SMUG1: variants seen among roughly 807,000 people sequenced by gnomAD.
The protein encoded by SMUG1 is single-strand selective monofunctional uracil DNA glycosylase.
Under a neutral mutation model 23.9 loss-of-function variants are expected in SMUG1, and 13 were observed. The ratio of observed to expected loss-of-function variants is 0.54; its 90% CI spans 0.35 to 0.86. SMUG1 has a LOEUF of 0.86. Among genes scored for constraint, SMUG1 ranks in the 40% least tolerant of loss-of-function variants. The probability of loss-of-function intolerance (pLI) is 0.01; values close to 1 mark genes in which losing one functional copy is unlikely to be tolerated. For missense variants in SMUG1, 313 were observed against 339.5 expected (o/e 0.92, Z 0.61); for synonymous variants, 133 against 139.8 (o/e 0.95, Z 0.34).
At chr12:54,171,725 T>C (rs1565802800) in intron 3 of SMUG1, among the ~76,000 whole-genome samples, 1 of 149,820 alleles carries the variant, frequency 6.7e-6, no homozygotes, top group Non-Finnish European at 1.5e-5. Context: ...GACTTGTGTA[T>C]TGATTTACCT....
intron 4 of SMUG1, among the ~76,000 whole-genome samples, chr12:54,158,842 G>T (rs1592325507): frequency 6.6e-6 from 1 of 152,134 alleles, no homozygotes; most frequent in East Asian, 1.9e-4. Context: ...CTTATAAAAA[G>T]CTTTCCAAAC....
Position 54,182,213 on chromosome 12 carries a change from G to C in SMUG1, c.696C>G (p.Val232=). The C allele has an allele frequency of 6.2e-7, 1 of 1,612,132 alleles. No individual in the cohort carries two copies. Among genetic ancestry groups the C allele is most frequent in the Non-Finnish European group, 8.5e-7 (1 of 1,178,696 alleles). ...AGGGATGCAGGAGCCCTTCCACCTG[G>C]ACCTCTGGCATCAGGCCTGCCAGAG... ...RRALAGLMPE[V]QVEGLLHPSP... Residue 232 remains valine (V), a synonymous_variant, in exon 4 of 4, where the codon GTC becomes GTG. Coordinates refer to ENST00000682136, the MANE Select transcript of SMUG1 (RefSeq NM_001243787.2).
At chr12:54,178,101 G>A (rs1940798792), downstream of SMUG1, among the ~76,000 whole-genome samples, 1 of 152,190 alleles carries the variant, frequency 6.6e-6, no homozygotes, top group African/African-American at 2.4e-5. Context: ...CAGCAAGAAG[G>A]CAGCTATCTG....
At chr12:54,166,403 GGAA>G (rs1026993333) in intron 3 of SMUG1, among the ~76,000 whole-genome samples, 4 of 152,170 alleles carry the variant, frequency 2.6e-5, no homozygotes, top group Admixed American at 6.5e-5. Context: ...ATAGGACACA[GGAA>G]GAAGAACGGC....
downstream of SMUG1, among the ~76,000 whole-genome samples, chr12:54,160,931 C>G (rs749805184): frequency 3.3e-5 from 5 of 152,224 alleles, no homozygotes; most frequent in African/African-American, 4.8e-5. Flanking sequence ...CAAACACAAA[C>G]AGTAACACAC....
Position 54,182,411 on chromosome 12 carries a change from A to G in SMUG1, c.498T>C (p.Pro166=). 4 of 1,614,218 alleles carry G rather than the reference A, an allele frequency of 2.5e-6. No individual in the cohort carries two copies. The highest frequency in any genetic ancestry group is 3.4e-6 in the Non-Finnish European group (4 of 1,180,050). Residue 166 remains proline (P), a synonymous_variant, in exon 4 of 4, where the codon CCT becomes CCC. Coordinates refer to ENST00000682136, the MANE Select transcript of SMUG1 (RefSeq NM_001243787.2). ...GCCCGCTGGGAGCCAGGAAAAGCAG[A>G]GGGCATAGATTGTGGACAAAACAGT... ...FHHCFVHNLC[P]LLFLAPSGRN...
intron 4 of SMUG1, among the ~76,000 whole-genome samples, chr12:54,159,582 G>A (rs1157911411): frequency 6.6e-6 from 1 of 152,138 alleles, no homozygotes; most frequent in East Asian, 1.9e-4. Context: ...ATGTGTAAGG[G>A]CCCCTCATAT....
chr12:54,176,507 T>TCCCGCCC (rs1555199084), downstream of SMUG1, among the ~76,000 whole-genome samples: 1 of 64,396 alleles, frequency 1.6e-5, no homozygotes, highest in Non-Finnish European at 3.0e-5. Flanking sequence ...GAAGATCCTG[T>TCCCGCCC]CCCCCCCCAA....
At chr12:54,174,093 C>T (rs1036586032) in intron 2 of SMUG1, among the ~76,000 whole-genome samples, 1 of 152,172 alleles carries the variant, frequency 6.6e-6, no homozygotes, top group African/African-American at 2.4e-5. Flanking sequence ...ACTTGCAAAG[C>T]AGCGCTACCA....
At chr12:54,159,406 G>T (rs184266783) in intron 4 of SMUG1, among the ~76,000 whole-genome samples, 1 of 152,238 alleles carries the variant, frequency 6.6e-6, no homozygotes, top group Non-Finnish European at 1.5e-5. Flanking sequence ...TGCAGCAGGA[G>T]AGTCAGGGCT....
intron 3 of SMUG1, chr12:54,183,349 C>G: frequency 1.9e-6 from 1 of 525,070 alleles, no homozygotes; most frequent in Non-Finnish European, 3.4e-6. Flanking sequence ...ACCCCAACCA[C>G]ACTTCAGGGA....
intron 4 of SMUG1, among the ~76,000 whole-genome samples, chr12:54,159,585 C>T (rs1454596300): frequency 6.6e-6 from 1 of 152,134 alleles, no homozygotes; most frequent in African/African-American, 2.4e-5. Context: ...TGTAAGGGCC[C>T]CTCATATTCA....
chr12:54,168,013 G>A (rs896528233), intron 3 of SMUG1, among the ~76,000 whole-genome samples: 4 of 152,174 alleles, frequency 2.6e-5, no homozygotes, highest in Admixed American at 2.0e-4. Context: ...TCTGTGACCC[G>A]TGGGGTTCAT....
downstream of SMUG1, among the ~76,000 whole-genome samples, chr12:54,177,355 C>T (rs191187364): frequency 2.9e-3 from 446 of 152,242 alleles, 4 homozygotes; most frequent in African/African-American, 0.01. Context: ...GGGTTGTAAG[C>T]CACTGATCTC....
chr12:54,179,557 T>C (rs746076393), downstream of SMUG1, among the ~76,000 whole-genome samples: 2 of 152,162 alleles, frequency 1.3e-5, no homozygotes, highest in Non-Finnish European at 2.9e-5. Flanking sequence ...GAAAGGAGTC[T>C]ATGGCATGTG....
intron 3 of SMUG1, among the ~76,000 whole-genome samples, chr12:54,171,508 G>A (rs1940616848): frequency 1.3e-5 from 2 of 151,238 alleles, no homozygotes; most frequent in African/African-American, 2.4e-5. Flanking sequence ...TGGCCAACAT[G>A]GTGAAACCCC....
chr12:54,164,900 C>T (rs529077083), intron 4 of SMUG1: 9 of 152,326 alleles, frequency 5.9e-5, no homozygotes, highest in African/African-American at 2.2e-4. Flanking sequence ...CAGTATTACC[C>T]TGTTTATTAT....
Position 54,183,786 on chromosome 12 carries a change from CCCACAGGCT to C in SMUG1, c.146_154del (p.Glu49_Val51del). ...ATACTCCACGGGATTGTAGATGATG[CCCACAGGCT>C]CCGAAAACTGCAGCTGGCTCAGCTC... On this transcript the variant is annotated inframe_deletion, in exon 3 of 4. Coordinates refer to ENST00000682136, the MANE Select transcript of SMUG1 (RefSeq NM_001243787.2). The C allele has an allele frequency of 6.2e-7, 1 of 1,614,118 alleles. No individual in the cohort carries two copies. Among genetic ancestry groups the C allele is most frequent in the Non-Finnish European group, 8.5e-7 (1 of 1,180,012 alleles).
chr12:54,183,634 C>G (rs1248455744), intron 3 of SMUG1, 22 bp downstream of exon 3: 1 of 1,612,902 alleles, frequency 6.2e-7, no homozygotes. Context: ...ACTCCACCCA[C>G]TGGGGAAGCC....
Sources: gnomAD v4.1 joint callset for allele counts (sites outside exome capture counted in the v4.1 genomes callset) on GRCh38, gnomAD v4.1.1 for gene constraint, MANE v1.5 for transcripts, NCBI Gene and HGNC (gene_info 2026-07-23, HGNC 2026-07-21) for gene names.